SGCZ: variants seen among roughly 807,000 people sequenced by gnomAD.
SGCZ encodes sarcoglycan zeta, also known as zeta-sarcoglycan.
In SGCZ, 40 loss-of-function variants were observed where a neutral mutation model predicts 41.3. That is an observed-to-expected ratio of 0.97 (90% CI 0.75 to 1.26). The LOEUF (loss-of-function observed/expected upper bound fraction) is 1.26, where lower values mean the gene tolerates loss of function less well. Among genes scored for constraint, SGCZ ranks in the 50% most tolerant of loss-of-function variants. SGCZ has a pLI of 0.00. For synonymous variants in SGCZ, 206 were observed against 137.5 expected (o/e 1.50, Z -3.49); for missense variants, 552 against 369.8 (o/e 1.49, Z -4.04).
chr8:14,393,233 A>C (rs1240615918), intron 2 of SGCZ, among the ~76,000 whole-genome samples: 1 of 152,176 alleles, frequency 6.6e-6, no homozygotes, highest in Non-Finnish European at 1.5e-5. Flanking sequence ...AGTCCTCAGT[A>C]AGGCTTTTCT....
chr8:14,624,346 G>C (rs1259288841), intron 1 of SGCZ, among the ~76,000 whole-genome samples: 2 of 151,878 alleles, frequency 1.3e-5, no homozygotes, highest in African/African-American at 4.8e-5. Context: ...GGCCAACTTA[G>C]TTATCATCAA....
intron 1 of SGCZ, among the ~76,000 whole-genome samples, chr8:15,001,498 G>C (rs1178575931): frequency 1.3e-5 from 2 of 152,160 alleles, no homozygotes; most frequent in Non-Finnish European, 1.5e-5. Flanking sequence ...GGGAGGCCAA[G>C]GCGGGCGGAT....
intron 2 of SGCZ, among the ~76,000 whole-genome samples, chr8:14,325,871 G>A: frequency 6.8e-6 from 1 of 146,714 alleles, no homozygotes; most frequent in African/African-American, 2.5e-5. Context: ...CCAGTACTTC[G>A]GAACGTAGAG....
chr8:14,510,834 T>C (rs1254073642), intron 2 of SGCZ, among the ~76,000 whole-genome samples: 2 of 152,126 alleles, frequency 1.3e-5, no homozygotes, highest in Non-Finnish European at 2.9e-5. Flanking sequence ...ATAAGCCTTT[T>C]GCCAGTTTTA....
chr8:15,076,585 A>T (rs1428288512), intron 1 of SGCZ, among the ~76,000 whole-genome samples: 1 of 152,062 alleles, frequency 6.6e-6, no homozygotes, highest in African/African-American at 2.4e-5. Flanking sequence ...GTTGTTTACC[A>T]CATCGGACTC....
rs189077018 is a variant in SGCZ, at chr8:14,109,385, A to T, written c.548-1150T>A. 2.0e-5 allele frequency among the ~76,000 whole-genome samples: 3 copies of T among 152,288 alleles called. No individual in the cohort carries two copies. The East Asian group carries it at 5.8e-4, about 29-fold the overall frequency. ...GTGGGAAAAAAATGTTCCAAATAAG[A>T]TGACATTGAGAAAATCTTTTCTGTA... On this transcript the variant is annotated intron_variant, in intron 5 of 7. Coordinates refer to ENST00000382080, the MANE Select transcript of SGCZ (RefSeq NM_139167.4).
chr8:15,047,114 C>G (rs1289231823), intron 1 of SGCZ, among the ~76,000 whole-genome samples: 1 of 151,970 alleles, frequency 6.6e-6, no homozygotes, highest in Admixed American at 6.6e-5. Flanking sequence ...CCTCCTGCAT[C>G]CTTACCTTGG....
At chr8:14,846,230 G>A (rs1043935453) in intron 1 of SGCZ, among the ~76,000 whole-genome samples, 1 of 151,968 alleles carries the variant, frequency 6.6e-6, no homozygotes, top group African/African-American at 2.4e-5. Flanking sequence ...TATCTATGTT[G>A]GAAAGGAAGA....
chr8:14,377,095 G>T (rs1381423984), intron 2 of SGCZ, among the ~76,000 whole-genome samples: 1 of 152,114 alleles, frequency 6.6e-6, no homozygotes, highest in African/African-American at 2.4e-5. Context: ...CCCCAGCATA[G>T]ACCGGGTTGC....
At chr8:14,684,802 A>G (rs1313873347) in intron 1 of SGCZ, among the ~76,000 whole-genome samples, 1 of 152,040 alleles carries the variant, frequency 6.6e-6, no homozygotes, top group East Asian at 1.9e-4. Flanking sequence ...ACAATGCTTC[A>G]TAACCCTATT....
At chr8:14,670,383 G>C (rs1385525110) in intron 1 of SGCZ, among the ~76,000 whole-genome samples, 1 of 152,040 alleles carries the variant, frequency 6.6e-6, no homozygotes, top group Non-Finnish European at 1.5e-5. Context: ...CTTCTGAATT[G>C]CATATTATTG....
chr8:14,515,361 A>C (rs995763544), intron 2 of SGCZ, among the ~76,000 whole-genome samples: 1 of 152,134 alleles, frequency 6.6e-6, no homozygotes, highest in Non-Finnish European at 1.5e-5. Flanking sequence ...TTAAATATTT[A>C]GCATTTTTAG....
chr8:14,471,517 G>C (rs143008754), intron 2 of SGCZ, among the ~76,000 whole-genome samples: 3 of 151,994 alleles, frequency 2.0e-5, no homozygotes, highest in South Asian at 2.1e-4. Context: ...TCTCTGGGTT[G>C]AGTTTCTCAG....
chr8:14,190,613 GT>G (rs972097050), intron 4 of SGCZ, among the ~76,000 whole-genome samples: 16 of 151,264 alleles, frequency 1.1e-4, no homozygotes, highest in Admixed American at 4.6e-4. Flanking sequence ...TTCTTTTTTT[GT>G]TTTTTTGAGA....
chr8:14,268,934 T>G (rs2117257487), intron 3 of SGCZ, among the ~76,000 whole-genome samples: 1 of 151,888 alleles, frequency 6.6e-6, no homozygotes, highest in Admixed American at 6.6e-5. Flanking sequence ...TTATTTCAAA[T>G]TATTAAGTAT....
chr8:15,164,012 C>G (rs1799584570), intron 1 of SGCZ, among the ~76,000 whole-genome samples: 1 of 152,174 alleles, frequency 6.6e-6, no homozygotes, highest in Non-Finnish European at 1.5e-5. Context: ...TTCCAATGGC[C>G]GCCGGGAAGC....
At chr8:14,929,045 G>A (rs1457035219) in intron 1 of SGCZ, among the ~76,000 whole-genome samples, 1 of 152,072 alleles carries the variant, frequency 6.6e-6, no homozygotes, top group Non-Finnish European at 1.5e-5. Flanking sequence ...AGACTGGAGT[G>A]CAGTGGCATG....
chr8:14,213,371 A>T (rs1805882140), intron 4 of SGCZ, among the ~76,000 whole-genome samples: 1 of 152,158 alleles, frequency 6.6e-6, no homozygotes, highest in South Asian at 2.1e-4. Context: ...ATCAGAAACC[A>T]TGGAGACCAG....
At chr8:14,479,064 A>T (rs989714150) in intron 2 of SGCZ, among the ~76,000 whole-genome samples, 8 of 152,174 alleles carry the variant, frequency 5.3e-5, no homozygotes, top group African/African-American at 1.9e-4. Flanking sequence ...AGGTACATAT[A>T]AAATAGAGTT....
Sources: allele counts gnomAD v4.1 joint callset (sites outside exome capture counted in the v4.1 genomes callset), GRCh38; gene constraint gnomAD v4.1.1; transcripts MANE v1.5; gene names NCBI Gene and HGNC (gene_info 2026-07-23, HGNC 2026-07-21).